The following IL1RAPL2 variants were observed in gnomAD, a reference collection of about 807,000 sequenced individuals.
IL1RAPL2 encodes the protein X-linked interleukin-1 receptor accessory protein-like 2.
Under a neutral mutation model 44.1 loss-of-function variants are expected in IL1RAPL2, and 3 were observed. The ratio of observed to expected loss-of-function variants is 0.07; its 90% CI spans 0.03 to 0.18. The LOEUF is 0.18. IL1RAPL2 is among the 10% of genes least tolerant of loss of function. The pLI, the probability that IL1RAPL2 is intolerant of heterozygous loss-of-function variation, is 1.00. For synonymous variants in IL1RAPL2, 181 were observed against 178.8 expected (o/e 1.01, Z -0.10); for missense variants, 391 against 496.4 (o/e 0.79, Z 2.02).
chrX:105,496,784 C>T (rs2147780699), intron 6 of IL1RAPL2, among the ~76,000 whole-genome samples: 1 of 111,716 alleles, frequency 9.0e-6, no homozygotes, highest in South Asian at 3.7e-4. Context: ...TATGTATGTA[C>T]ACATATGACT....
chrX:105,294,258 G>T (rs1346109171), intron 5 of IL1RAPL2, among the ~76,000 whole-genome samples: 2 of 112,140 alleles, frequency 1.8e-5, no homozygotes, highest in Non-Finnish European at 3.8e-5. Flanking sequence ...AAGAGAATGG[G>T]AGTGTATTAG....
At chrX:104,983,666 TACATAATATTATATACATAATATTA>T (rs1270908936) in intron 2 of IL1RAPL2, among the ~76,000 whole-genome samples, 7 of 98,340 alleles carry the variant, frequency 7.1e-5, no homozygotes, top group African/African-American at 1.5e-4. Flanking sequence ...ACATAATATA[TACATAATATTATATACATAATATTA>T]ACATAATATT....
chrX:105,760,342 G>A (rs61480734), intron 10 of IL1RAPL2, among the ~76,000 whole-genome samples: 12,879 of 111,762 alleles, frequency 0.12, 1,813 homozygotes, highest in African/African-American at 0.4. Flanking sequence ...TTTGTTCCAT[G>A]TTCATTAAGG....
At chrX:104,998,194 T>A (rs1332558687) in intron 2 of IL1RAPL2, among the ~76,000 whole-genome samples, 1 of 111,447 alleles carries the variant, frequency 9.0e-6, no homozygotes, top group African/African-American at 3.3e-5. Flanking sequence ...AAGTGTTACT[T>A]TAAGAAGGAA....
chrX:105,726,866 A>G (rs1337240910), intron 7 of IL1RAPL2, among the ~76,000 whole-genome samples: 1 of 110,566 alleles, frequency 9.0e-6, no homozygotes, highest in African/African-American at 3.3e-5. Context: ...CCTTCCTTCA[A>G]TCAAGGATTA....
chrX:105,248,398 C>T (rs1409830235), intron 4 of IL1RAPL2, among the ~76,000 whole-genome samples: 1 of 111,782 alleles, frequency 8.9e-6, no homozygotes. Context: ...TGAGAAACTT[C>T]AGTATGGTAG....
At chrX:104,838,138 T>C (rs1468829537) in intron 2 of IL1RAPL2, among the ~76,000 whole-genome samples, 1 of 111,971 alleles carries the variant, frequency 8.9e-6, no homozygotes, top group Non-Finnish European at 1.9e-5. Flanking sequence ...AGCCTTGTAG[T>C]ATAGCTTGAA....
intron 6 of IL1RAPL2, among the ~76,000 whole-genome samples, chrX:105,557,115 G>A (rs1408484737): frequency 8.9e-6 from 1 of 111,917 alleles, no homozygotes; most frequent in Non-Finnish European, 1.9e-5. Flanking sequence ...TTAGAAAAGC[G>A]AATTATATCA....
chrX:104,818,860 C>A (rs757475935), intron 2 of IL1RAPL2, among the ~76,000 whole-genome samples: 1 of 111,572 alleles, frequency 9.0e-6, no homozygotes, highest in African/African-American at 3.3e-5. Flanking sequence ...GGAATGGGAT[C>A]CAGAGTACAA....
At chrX:105,342,147 T>C (rs1034307768) in intron 5 of IL1RAPL2, among the ~76,000 whole-genome samples, 11 of 57,097 alleles carry the variant, frequency 1.9e-4, no homozygotes, top group African/African-American at 6.7e-4. Flanking sequence ...CATCACACAC[T>C]GGGGACTGTT....
intron 2 of IL1RAPL2, among the ~76,000 whole-genome samples, chrX:105,032,151 A>G (rs60997942): frequency 0.071 from 7,784 of 110,025 alleles, 711 homozygotes; most frequent in African/African-American, 0.24. Flanking sequence ...CGGTCTATCA[A>G]TTTTGTTGAT....
chrX:105,635,265 C>T (rs1282216115), intron 6 of IL1RAPL2, among the ~76,000 whole-genome samples: 1 of 111,340 alleles, frequency 9.0e-6, no homozygotes, highest in Non-Finnish European at 1.9e-5. Flanking sequence ...TAACCTTGCT[C>T]CTGAATTTCA....
At chrX:104,820,304 G>T (rs1371539746) in intron 2 of IL1RAPL2, among the ~76,000 whole-genome samples, 3 of 111,721 alleles carry the variant, frequency 2.7e-5, no homozygotes, top group African/African-American at 9.8e-5. Context: ...CAGCCATTTG[G>T]TTTATGTGAG....
chrX:104,657,245 A>C (rs1217536599), intron 1 of IL1RAPL2, among the ~76,000 whole-genome samples: 1 of 111,546 alleles, frequency 9.0e-6, no homozygotes, highest in Non-Finnish European at 1.9e-5. Flanking sequence ...ATAGTAACAA[A>C]AGCAGCATGG....
At chrX:105,153,172 T>A (rs921783552) in intron 2 of IL1RAPL2, among the ~76,000 whole-genome samples, 2 of 112,286 alleles carry the variant, frequency 1.8e-5, no homozygotes, top group African/African-American at 3.2e-5. Flanking sequence ...CAACTTGGAG[T>A]TCTTTTGGGA....
At chrX:105,034,129 T>A (rs1018735424) in intron 2 of IL1RAPL2, among the ~76,000 whole-genome samples, 14 of 111,335 alleles carry the variant, frequency 1.3e-4, no homozygotes, top group African/African-American at 4.6e-4. Context: ...ATTCATCTAA[T>A]TTTTTTTCAA....
intron 2 of IL1RAPL2, among the ~76,000 whole-genome samples, chrX:104,830,248 A>G (rs1200946029): frequency 9.0e-6 from 1 of 111,316 alleles, no homozygotes; most frequent in Non-Finnish European, 1.9e-5. Flanking sequence ...CAGCTAATTC[A>G]TGGCTACTGA....
At chrX:105,730,310 G>C (rs1472057536) in intron 7 of IL1RAPL2, among the ~76,000 whole-genome samples, 1 of 110,892 alleles carries the variant, frequency 9.0e-6, no homozygotes, top group Non-Finnish European at 1.9e-5. Flanking sequence ...TTTGGTAAGG[G>C]ATATAGCAAT....
intron 2 of IL1RAPL2, among the ~76,000 whole-genome samples, chrX:105,192,982 T>A (rs1247833897): frequency 1.8e-5 from 2 of 111,792 alleles, no homozygotes; most frequent in Non-Finnish European, 3.8e-5. Context: ...CAGGTCTGCA[T>A]GATAAAACTA....
Sources: allele counts gnomAD v4.1 joint callset (sites outside exome capture counted in the v4.1 genomes callset), GRCh38; gene constraint gnomAD v4.1.1; transcripts MANE v1.5; gene names NCBI Gene and HGNC (gene_info 2026-07-23, HGNC 2026-07-21).